The following UBR4 variants were observed in gnomAD, a reference collection of about 807,000 sequenced individuals.
UBR4 encodes the protein E3 ubiquitin-protein ligase UBR4.
In UBR4, 124 loss-of-function variants were observed where a neutral mutation model predicts 575.6. The ratio of observed to expected loss-of-function variants is 0.22; its 90% confidence interval spans 0.19 to 0.25. The LOEUF is 0.25. UBR4 is among the 10% of genes least tolerant of loss of function. UBR4 has a pLI of 1.00. For synonymous variants in UBR4, 2,455 were observed against 2,473.7 expected, an observed-to-expected ratio of 0.99 and a Z score of 0.22; for missense variants, 4,818 against 6,478.8, an observed-to-expected ratio of 0.74 and a Z score of 8.80.
At chr1:19,167,889 C>T (rs1194516513) in intron 28 of UBR4, 138 bp downstream of exon 28, 3 of 979,966 alleles carry the variant, frequency 3.1e-6, no homozygotes, top group Non-Finnish European at 4.2e-6. Flanking sequence ...AGTGCTTATA[C>T]TTTAAAGCAA....
chr1:19,078,185 A>T, intron 103 of UBR4, 119 bp from the exon 104 acceptor site: 1 of 1,008,904 alleles, frequency 9.9e-7, no homozygotes, highest in East Asian at 2.7e-5. Context: ...TCGGAGTTCC[A>T]GCGACTAGCC....
At chr1:19,143,925 C>T in intron 55 of UBR4, 55 bp downstream of exon 55, 1 of 1,539,674 alleles carries the variant, frequency 6.5e-7, no homozygotes, top group South Asian at 1.1e-5. Flanking sequence ...CTGTACCTCC[C>T]TCTCTCCCCT....
chr1:19,095,077 C>T, intron 93 of UBR4, 52 bp from the exon 94 acceptor site: 1 of 1,613,154 alleles, frequency 6.2e-7, no homozygotes. Context: ...CAGCCACTAA[C>T]TGCTGAGGAC....
chr1:19,164,464 T>G (rs774492351), intron 32 of UBR4, 23 bp from the exon 33 acceptor site: 2 of 1,604,738 alleles, frequency 1.2e-6, no homozygotes, highest in African/African-American at 1.3e-5. Context: ...AAAGAGCAAG[T>G]TGGTGAATAA....
rs144335701 is a variant in UBR4, at chr1:19,161,017, T to C, written c.5306A>G (p.Lys1769Arg). 11 of 1,614,074 alleles carry C rather than the reference T, an allele frequency of 6.8e-6. No homozygotes were observed. Among genetic ancestry groups the C allele is most frequent in the East Asian group, 2.2e-5 (1 of 44,894 alleles). ...ASTSSPADKA[K>R]VTISDGKVAD... ...AACCTTTCCATCACTGATGGTAACC[T>C]TGGCTTTGTCAGCTGGCGAGGAGGT... Residue 1769 changes from lysine to arginine, a missense_variant, in exon 38 of 106, where the codon AAG (lysine) becomes AGG (arginine). Around this residue, in one of 29 missense-constraint regions of UBR4, gnomAD observed 159 missense variants for 174.6 expected, o/e 0.91. Coordinates refer to ENST00000375254, the MANE Select transcript of UBR4 (RefSeq NM_020765.3).
chr1:19,194,627 CCCCATCTCTACTAAAAATGCA>C (rs2092337673), intron 8 of UBR4, among the ~76,000 whole-genome samples: 1 of 151,886 alleles, frequency 6.6e-6, no homozygotes, highest in African/African-American at 2.4e-5. Flanking sequence ...CATGGTGAAA[CCCCATCTCTACTAAAAATGCA>C]AAAATTAGCC....
intron 102 of UBR4, among the ~76,000 whole-genome samples, chr1:19,083,300 A>AG (rs1348483112): frequency 6.6e-6 from 1 of 152,220 alleles, no homozygotes; most frequent in Non-Finnish European, 1.5e-5. Context: ...TGTGGTCTCG[A>AG]GGTCAGCCTT....
chr1:19,108,657 C>T (rs1240942018), intron 81 of UBR4, among the ~76,000 whole-genome samples: 1 of 152,180 alleles, frequency 6.6e-6, no homozygotes, highest in Non-Finnish European at 1.5e-5. Flanking sequence ...CAACCTAAGG[C>T]ACTGGCTGTC....
intron 9 of UBR4, 39 bp from the exon 10 acceptor site, chr1:19,192,579 T>G (rs764273830): frequency 6.2e-7 from 1 of 1,607,986 alleles, no homozygotes; most frequent in Non-Finnish European, 8.5e-7. Flanking sequence ...CTGAACAAGC[T>G]GACAGATTTC....
intron 1 of UBR4, among the ~76,000 whole-genome samples, chr1:19,206,214 G>A (rs1321327062): frequency 6.6e-6 from 1 of 152,166 alleles, no homozygotes; most frequent in East Asian, 1.9e-4. Context: ...AGTCTAGCTA[G>A]CTACTGTAAC....
intron 8 of UBR4, 91 bp downstream of exon 8, chr1:19,197,050 T>G (rs759336791): frequency 1.4e-6 from 2 of 1,466,568 alleles, no homozygotes; most frequent in Non-Finnish European, 1.9e-6. Flanking sequence ...GCAAGGGGGA[T>G]GAGTAGAGTA....
intron 17 of UBR4, among the ~76,000 whole-genome samples, chr1:19,181,257 C>T (rs66921123): frequency 0.18 from 27,015 of 151,688 alleles, 2,623 homozygotes; most frequent in African/African-American, 0.25. Flanking sequence ...ACGGACCAGC[C>T]GGGCATGATG....
chr1:19,165,870 T>A, intron 29 of UBR4, 113 bp from the exon 30 acceptor site: 1 of 901,716 alleles, frequency 1.1e-6, no homozygotes, highest in Non-Finnish European at 1.6e-6. Flanking sequence ...GGGCAATGTC[T>A]AATTTTGTTT....
chr1:19,185,860 G>A (rs987415051), intron 14 of UBR4, among the ~76,000 whole-genome samples: 1 of 152,046 alleles, frequency 6.6e-6, no homozygotes, highest in African/African-American at 2.4e-5. Flanking sequence ...GTGAGCCACC[G>A]CGCCCAGCCA....
At chr1:19,185,023 GCATTCAA>G in intron 15 of UBR4, 69 bp downstream of exon 15, 1 of 1,559,410 alleles carries the variant, frequency 6.4e-7, no homozygotes, top group Non-Finnish European at 8.8e-7. Context: ...CAAAATGTTT[GCATTCAA>G]ATTATCTGCT....
chr1:19,179,337 G>A (rs1481866547), intron 17 of UBR4, 117 bp from the exon 18 acceptor site: 1 of 1,103,592 alleles, frequency 9.1e-7, no homozygotes, highest in African/African-American at 1.6e-5. Flanking sequence ...TTTAAAGAAA[G>A]AAGGACCCAG....
At chr1:19,078,209 A>G (rs1007591896) in intron 103 of UBR4, 143 bp from the exon 104 acceptor site, 46 of 803,244 alleles carry the variant, frequency 5.7e-5, no homozygotes, top group Non-Finnish European at 7.0e-5. Flanking sequence ...TGCTTGGAAA[A>G]AAGCAGCTGT....
intron 105 of UBR4, among the ~76,000 whole-genome samples, chr1:19,075,987 G>A (rs2075897251): frequency 6.6e-6 from 1 of 152,208 alleles, no homozygotes; most frequent in South Asian, 2.1e-4. Context: ...TTGTAGGGCG[G>A]GTGCTCTGAT....
Position 19,089,313 on chromosome 1 carries a change from C to T in UBR4, c.14212-336G>A, listed in dbSNP as rs1305042746. 1.3e-5 allele frequency among the ~76,000 whole-genome samples: 2 copies of T among 152,140 alleles called. No individual in the cohort carries two copies. The highest frequency in any genetic ancestry group is 2.4e-5 in the African/African-American group (1 of 41,430). On this transcript the variant is annotated intron_variant, in intron 97 of 105. Coordinates refer to ENST00000375254, the MANE Select transcript of UBR4 (RefSeq NM_020765.3). This position sits in a 1 kb window ranked among gnomAD's most constrained non-coding sequence, Gnocchi z 4.3. ...TGGAAAGGGGCCAGGAGAAGATCCC[C>T]GTATTCTGGTAAGACAAGCAGCAAC...
Sources: allele counts gnomAD v4.1 joint callset (sites outside exome capture counted in the v4.1 genomes callset), GRCh38; gene constraint gnomAD v4.1.1; regional missense constraint gnomAD v4.1.1; non-coding constraint Gnocchi (gnomAD v3.1); transcripts MANE v1.5; gene names NCBI Gene and HGNC (gene_info 2026-07-23, HGNC 2026-07-21).